The following GRM7 variants were observed in gnomAD, a reference collection of about 807,000 sequenced individuals.
GRM7 encodes the protein glutamate metabotropic receptor 7.
In GRM7, 35 loss-of-function variants were observed where a neutral mutation model predicts 84.5. The ratio of observed to expected loss-of-function variants is 0.41; its 90% CI spans 0.32 to 0.55. The LOEUF is 0.55. Ranked by LOEUF, GRM7 falls within the 20% of genes least tolerant of loss-of-function variation. The pLI, the probability that GRM7 is intolerant of heterozygous loss-of-function variation, is 0.19. For synonymous variants in GRM7, 487 were observed against 455.1 expected (o/e 1.07, Z -0.89); for missense variants, 1,003 against 1,194.6 (o/e 0.84, Z 2.36).
intron 5 of GRM7, among the ~76,000 whole-genome samples, chr3:7,444,939 T>G (rs899954063): frequency 6.6e-6 from 1 of 151,826 alleles, no homozygotes; most frequent in African/African-American, 2.4e-5. Flanking sequence ...TGCAGAACAT[T>G]AGGATGTTAA....
intron 5 of GRM7, among the ~76,000 whole-genome samples, chr3:7,450,273 G>A (rs1697711986): frequency 6.6e-6 from 1 of 152,006 alleles, no homozygotes. Flanking sequence ...ATTAAAGTTC[G>A]ACAGCATACT....
intron 1 of GRM7, among the ~76,000 whole-genome samples, chr3:7,014,680 A>C (rs1381769115): frequency 6.6e-6 from 1 of 152,190 alleles, no homozygotes; most frequent in Non-Finnish European, 1.5e-5. Flanking sequence ...GTTCTGCCTC[A>C]AGTCATTTGT....
At chr3:7,584,139 T>A (rs1377071828) in intron 8 of GRM7, among the ~76,000 whole-genome samples, 1 of 152,186 alleles carries the variant, frequency 6.6e-6, no homozygotes, top group African/African-American at 2.4e-5. Flanking sequence ...TGAGGGACAG[T>A]GTTTTCAACA....
chr3:7,437,908 G>T (rs1697126074), intron 5 of GRM7, among the ~76,000 whole-genome samples: 1 of 151,916 alleles, frequency 6.6e-6, no homozygotes, highest in Non-Finnish European at 1.5e-5. Context: ...GTAGTAGTTA[G>T]CCAGAATGAG....
chr3:6,994,859 T>C (rs185439716), intron 1 of GRM7, among the ~76,000 whole-genome samples: 74 of 152,314 alleles, frequency 4.9e-4, no homozygotes, highest in Middle Eastern at 6.8e-3. Flanking sequence ...TCGGCCAAAT[T>C]GGGTTTTGTA....
chr3:7,442,725 A>C (rs1697340368), intron 5 of GRM7, among the ~76,000 whole-genome samples: 1 of 152,146 alleles, frequency 6.6e-6, no homozygotes, highest in Non-Finnish European at 1.5e-5. Flanking sequence ...CTTCTGCAAT[A>C]TGTGTGCCCC....
chr3:7,572,340 G>C lies in GRM7; in HGVS notation c.1516-6082G>C, dbSNP rs58013102. On this transcript the variant is annotated intron_variant, in intron 7 of 9. Transcript: ENST00000357716. ...TATCTGGGGTGTGGTACAGGCTCTG[G>C]AATTTTTAGAAGATCCCCAAGTAAT... Among the ~76,000 whole-genome samples the C allele has an allele frequency of 8.1e-3, 1,231 of 152,156 alleles. 15 individuals are homozygous for C. Among genetic ancestry groups the C allele is most frequent in the African/African-American group, 0.028 (1,160 of 41,482 alleles).
At chr3:6,905,749 C>T (rs1415575016) in intron 1 of GRM7, among the ~76,000 whole-genome samples, 2 of 152,014 alleles carry the variant, frequency 1.3e-5, no homozygotes, top group East Asian at 3.9e-4. Context: ...TGGTATATGG[C>T]CTTGGTCAAA....
chr3:7,704,943 T>C (rs1403159504), intron 9 of GRM7, among the ~76,000 whole-genome samples: 1 of 152,162 alleles, frequency 6.6e-6, no homozygotes, highest in Non-Finnish European at 1.5e-5. Flanking sequence ...CGCTTAACTA[T>C]AGAAAACCTG....
chr3:6,968,857 A>G (rs1041994927), intron 1 of GRM7, among the ~76,000 whole-genome samples: 3 of 152,142 alleles, frequency 2.0e-5, no homozygotes, highest in Non-Finnish European at 2.9e-5. Flanking sequence ...CAGAATTACC[A>G]CATGTGTACC....
intron 8 of GRM7, chr3:7,607,867 C>T (rs1696661845): frequency 6.3e-6 from 1 of 159,506 alleles, no homozygotes; most frequent in Non-Finnish European, 1.4e-5. Context: ...GTTACCTTTC[C>T]TGCTCCTCTC....
At chr3:7,143,189 A>G (rs1026527162) in intron 1 of GRM7, among the ~76,000 whole-genome samples, 2 of 152,164 alleles carry the variant, frequency 1.3e-5, no homozygotes, top group Non-Finnish European at 2.9e-5. Flanking sequence ...TCATTTGATC[A>G]GTTGTAGGTA....
intron 1 of GRM7, among the ~76,000 whole-genome samples, chr3:7,033,967 A>G (rs896329159): frequency 1.3e-5 from 2 of 152,160 alleles, no homozygotes; most frequent in African/African-American, 4.8e-5. Flanking sequence ...TCAAATATTG[A>G]AGTGCAATTG....
intron 1 of GRM7, among the ~76,000 whole-genome samples, chr3:6,898,890 TG>T (rs1195902844): frequency 2.0e-5 from 3 of 151,948 alleles, no homozygotes. Context: ...TTGGTGAAGC[TG>T]GGTGCATGAC....
intron 8 of GRM7, among the ~76,000 whole-genome samples, chr3:7,656,940 T>C (rs1699229392): frequency 6.6e-6 from 1 of 152,188 alleles, no homozygotes; most frequent in African/African-American, 2.4e-5. Context: ...CTTGAACACT[T>C]ATGCTACTGA....
At chr3:7,182,147 C>G (rs1695360053) in intron 2 of GRM7, among the ~76,000 whole-genome samples, 1 of 151,556 alleles carries the variant, frequency 6.6e-6, no homozygotes, top group African/African-American at 2.4e-5. Context: ...TTTTTCTTAC[C>G]TACCTTCAAC....
At chr3:7,601,810 T>C (rs1454222295) in intron 8 of GRM7, among the ~76,000 whole-genome samples, 2 of 151,996 alleles carry the variant, frequency 1.3e-5, no homozygotes, top group African/African-American at 4.8e-5. Context: ...CTCTCAAGCA[T>C]GGGGAAATAA....
intron 1 of GRM7, among the ~76,000 whole-genome samples, chr3:6,963,032 C>T (rs374144322): frequency 6.6e-6 from 1 of 152,158 alleles, no homozygotes; most frequent in Non-Finnish European, 1.5e-5. Context: ...ATGTATAGTT[C>T]ATTTCTCTGC....
At chr3:7,440,056 G>A (rs1697223900) in intron 5 of GRM7, among the ~76,000 whole-genome samples, 1 of 152,216 alleles carries the variant, frequency 6.6e-6, no homozygotes, top group African/African-American at 2.4e-5. Context: ...AAAGCTGGAG[G>A]GAGCTGGTTG....
Sources: gnomAD v4.1 joint callset for allele counts (sites outside exome capture counted in the v4.1 genomes callset) on GRCh38, gnomAD v4.1.1 for gene constraint, MANE v1.5 for transcripts, NCBI Gene and HGNC (gene_info 2026-07-23, HGNC 2026-07-21) for gene names.